Variants in DUS4L observed in about 807,000 individuals in gnomAD.
The protein encoded by DUS4L is tRNA-dihydrouridine(20a/20b) synthase [NAD(P)+]-like.
DUS4L carries 31 observed loss-of-function variants against 33.8 expected under a neutral mutation model. The observed-to-expected ratio is 0.92, with a 90% CI of 0.69 to 1.24. DUS4L has a LOEUF of 1.24. Among genes scored for constraint, DUS4L ranks in the 50% most tolerant of loss-of-function variants. DUS4L has a pLI of 0.00. For missense variants in DUS4L, 368 were observed against 388.6 expected, an observed-to-expected ratio of 0.95 and a Z score of 0.45; for synonymous variants, 103 against 120.3, an observed-to-expected ratio of 0.86 and a Z score of 0.94.
intron 6 of DUS4L, 100 bp from the exon 7 acceptor site, chr7:107,576,266 A>G: frequency 8.4e-7 from 1 of 1,185,718 alleles, no homozygotes; most frequent in Non-Finnish European, 1.2e-6. Flanking sequence ...TGATATAGCA[A>G]AGCTAACTAA....
chr7:107,572,842 CAA>C (rs769843752), intron 4 of DUS4L, among the ~76,000 whole-genome samples: 8 of 106,482 alleles, frequency 7.5e-5, no homozygotes, highest in South Asian at 2.9e-4. Context: ...GACTCTGTCT[CAA>C]AAAAAAAAAA....
At position 107,567,094 on chromosome 7, in the gene DUS4L, G is replaced by A. The variant is rs201466996; in HGVS notation, c.24G>A (p.Thr8=). 13 of 1,613,094 alleles carry A rather than the reference G, an allele frequency of 8.1e-6. No homozygotes were observed. Among genetic ancestry groups the A allele is most frequent in the East Asian group, 4.5e-5 (2 of 44,802 alleles). The change falls in exon 3 of 8, where the codon ACG becomes ACA. Residue 8 remains threonine, a synonymous_variant. Transcript: ENST00000265720. MKSDCMQ[T]TICQERKKDP... ...TAATGAAGAGTGACTGCATGCAAAC[G>A]ACAATATGTCAGGAAAGAAAAAAAG...
intron 4 of DUS4L, among the ~76,000 whole-genome samples, chr7:107,572,621 G>A (rs1009656675): frequency 8.6e-5 from 13 of 151,854 alleles, no homozygotes; most frequent in South Asian, 2.1e-4. Context: ...AGGCCAAGGT[G>A]GGTGGATCAC....
At position 107,564,214 on chromosome 7, in the gene DUS4L, GC is replaced by G; in HGVS notation, c.-111+6del. On this transcript the variant is annotated splice_donor_region_variant and intron_variant, in intron 1 of 7. Coordinates refer to ENST00000265720, the MANE Select transcript of DUS4L (RefSeq NM_181581.3). ...CGTGCCCTAGCCAAGGAGAAGGTGG[GC>G]ACCGGAACGTGGCCGCAGCGCTTAT... 1 of 590,998 alleles carries G rather than the reference GC, an allele frequency of 1.7e-6. No individual in the cohort carries two copies. Among genetic ancestry groups the G allele is most frequent in the Non-Finnish European group, 3.0e-6 (1 of 331,878 alleles). 36.6% of individuals were successfully genotyped at this position (590,998 alleles called of 1,614,324 possible).
At chr7:107,570,777 T>G (rs1030017412) in intron 3 of DUS4L, 9 of 226,830 alleles carry the variant, frequency 4.0e-5, no homozygotes, top group Non-Finnish European at 7.7e-5. Flanking sequence ...CCTGGTCCTT[T>G]GGTTAGAGAA....
At chr7:107,575,060 A>AT (rs1805607918) in intron 5 of DUS4L, 128 bp from the exon 6 acceptor site, 2 of 1,290,308 alleles carry the variant, frequency 1.6e-6, no homozygotes, top group South Asian at 2.6e-5. Context: ...GAATCTATGA[A>AT]TTTTTTATAT....
intron 7 of DUS4L, chr7:107,577,016 T>C: frequency 2.9e-6 from 1 of 342,590 alleles, no homozygotes; most frequent in East Asian, 5.7e-5. Flanking sequence ...AACTGAACTT[T>C]AAGCAGCCCA....
chr7:107,575,318 C>T lies in DUS4L; in HGVS notation c.479+8C>T, dbSNP rs370859925. 1.2e-5 allele frequency: 19 copies of T among 1,607,218 alleles called. No individual in the cohort carries two copies. The highest frequency in any genetic ancestry group is 1.7e-4 in the Middle Eastern group (1 of 6,010). On this transcript the variant is annotated splice_region_variant and intron_variant, in intron 6 of 7. Transcript: ENST00000265720. The stretch of plus-strand genomic sequence containing the variant: ...AGTTTCTATTAAAATAAGGTAAAGA[C>T]AATATTTCAATCTATTGATAGGATA...
intron 4 of DUS4L, among the ~76,000 whole-genome samples, chr7:107,573,063 T>G (rs1287208320): frequency 6.6e-6 from 1 of 152,216 alleles, no homozygotes; most frequent in Non-Finnish European, 1.5e-5. Flanking sequence ...AAATGTTGGA[T>G]ATACACTGTA....
chr7:107,571,105 G>A (rs377539510), intron 3 of DUS4L, 40 bp from the exon 4 acceptor site: 15 of 1,611,040 alleles, frequency 9.3e-6, no homozygotes, highest in East Asian at 6.7e-5. Context: ...TATGTTTGTG[G>A]TGTTTCTAAA....
chr7:107,569,598 C>A (rs1457522748), intron 3 of DUS4L, among the ~76,000 whole-genome samples: 2 of 152,146 alleles, frequency 1.3e-5, no homozygotes, highest in African/African-American at 2.4e-5. Context: ...TTGAGATTTT[C>A]TTTGATTTCT....
chr7:107,565,347 CA>C (rs1319653231), intron 2 of DUS4L, among the ~76,000 whole-genome samples: 1 of 152,124 alleles, frequency 6.6e-6, no homozygotes, highest in Non-Finnish European at 1.5e-5. Context: ...TTACTTATTC[CA>C]GTAATTCCAA....
Position 107,577,388 on chromosome 7 carries a change from T to A in DUS4L, c.782T>A (p.Ile261Asn). 6.2e-7 allele frequency: 1 copy of A among 1,614,100 alleles called. No individual in the cohort carries two copies. The highest frequency in any genetic ancestry group is 8.5e-7 in the Non-Finnish European group (1 of 1,180,012). ...AGYEETPLKC[I>N]WDWVDIALEL... ...TATGAGGAAACCCCACTGAAATGCA[T>A]CTGGGACTGGGTTGACATTGCTCTT... The change falls in exon 8 of 8, where the codon ATC becomes AAC. Residue 261 changes from isoleucine to asparagine, a missense_variant. Ile to Asn is a moderately radical substitution (Grantham distance 149). Coordinates refer to ENST00000265720, the MANE Select transcript of DUS4L (RefSeq NM_181581.3).
rs1437540627 is a variant in DUS4L, at chr7:107,567,650, G to A, written c.116+464G>A. ...TTTAGAAGTTTGTTATAAAATATAC[G>A]TAACATAAAATTTACCTCTCGATCA... On this transcript the variant is annotated intron_variant, in intron 3 of 7. Coordinates refer to ENST00000265720, the MANE Select transcript of DUS4L (RefSeq NM_181581.3). 7 of 281,878 alleles carry A rather than the reference G, an allele frequency of 2.5e-5. No individual in the cohort carries two copies. In the East Asian group the frequency reaches 3.3e-4, roughly 13 times the overall value. The allele number at this position is 281,878 out of a possible 1,614,324, so 17.5% of individuals were successfully genotyped here.
At chr7:107,567,978 G>C (rs541949677) in intron 3 of DUS4L, 7 of 213,348 alleles carry the variant, frequency 3.3e-5, no homozygotes, top group African/African-American at 1.7e-4. Flanking sequence ...TATCAGACTT[G>C]TTCCTTTTTA....
rs560938528 is a variant in DUS4L at position 107,573,722 on chromosome 7, T to C, written c.257T>C (p.Val86Ala). The change falls in exon 5 of 8, where the codon GTT becomes GCT. Residue 86 changes from valine (V) to alanine (A), a missense_variant. Coordinates refer to ENST00000265720, the MANE Select transcript of DUS4L (RefSeq NM_181581.3). ...TTNQGDCPLI[V>A]QFAANDARLL... ...TTGTCAGGTGATTGCCCATTGATTGTTCAGTTTGCTGCTAACGATGCAAGA... is the reference window on the plus strand; with the variant it reads ...TTGTCAGGTGATTGCCCATTGATTGCTCAGTTTGCTGCTAACGATGCAAGA... 19 of 1,609,312 alleles carry C rather than the reference T, an allele frequency of 1.2e-5. 2 individuals carry two copies. The South Asian group carries it at 2.1e-4, about 18-fold the overall frequency.
intron 3 of DUS4L, among the ~76,000 whole-genome samples, chr7:107,569,528 A>G (rs1314149123): frequency 1.3e-5 from 2 of 152,224 alleles, no homozygotes; most frequent in African/African-American, 4.8e-5. Flanking sequence ...CTTGGGAAGA[A>G]CTGACTTTCT....
chr7:107,574,346 CTTTTTTT>C (rs761005292), intron 5 of DUS4L, among the ~76,000 whole-genome samples: 2 of 125,996 alleles, frequency 1.6e-5, no homozygotes, highest in South Asian at 2.5e-4. Context: ...AATAATATTT[CTTTTTTT>C]TTTTTTTTTT....
At chr7:107,566,002 C>G (rs1385214230) in intron 2 of DUS4L, among the ~76,000 whole-genome samples, 1 of 152,208 alleles carries the variant, frequency 6.6e-6, no homozygotes, top group African/African-American at 2.4e-5. Flanking sequence ...CTCCTTCCTT[C>G]ATAATGGTCT....
Sources: allele counts gnomAD v4.1 joint callset (sites outside exome capture counted in the v4.1 genomes callset), GRCh38; gene constraint gnomAD v4.1.1; transcripts MANE v1.5; gene names NCBI Gene and HGNC (gene_info 2026-07-23, HGNC 2026-07-21).